Variants in PPP6R1 observed in about 807,000 individuals in gnomAD.
The protein encoded by PPP6R1 is protein phosphatase 6 regulatory subunit 1.
Under a neutral mutation model 104.6 loss-of-function variants are expected in PPP6R1, and 39 were observed. That is an observed-to-expected ratio of 0.37 (90% CI 0.29 to 0.49). The LOEUF is 0.49. Ranked by LOEUF, PPP6R1 falls within the 20% of genes least tolerant of loss-of-function variation. The probability of loss-of-function intolerance (pLI) is 0.98; values close to 1 mark genes in which losing one functional copy is unlikely to be tolerated. For missense variants in PPP6R1, 1,181 were observed against 1,155.8 expected, an observed-to-expected ratio of 1.02 and a Z score of -0.32; for synonymous variants, 549 against 479.0, an observed-to-expected ratio of 1.15 and a Z score of -1.91.
chr19:55,251,893 C>A (rs377036399), intron 1 of PPP6R1, among the ~76,000 whole-genome samples: 1 of 152,174 alleles, frequency 6.6e-6, no homozygotes, highest in Non-Finnish European at 1.5e-5. Context: ...TGCCAATTTC[C>A]GGCCTAAGGC....
downstream of PPP6R1, chr19:55,228,445 G>A (rs10419308): frequency 0.18 from 291,324 of 1,609,602 alleles, 26,899 homozygotes; most frequent in Middle Eastern, 0.24. Context: ...GCGCTTTGGG[G>A]AGTGGGGAGC....
intron 1 of PPP6R1, among the ~76,000 whole-genome samples, chr19:55,257,579 C>T (rs749140444): frequency 6.6e-6 from 1 of 152,148 alleles, no homozygotes; most frequent in Non-Finnish European, 1.5e-5. Flanking sequence ...CTTCCCCCCC[C>T]GGAAGGCCCT....
rs1377796526 is a variant in PPP6R1, at chr19:55,231,460, G to A, written c.2409C>T (p.Asp803=). 2 of 1,608,490 alleles carry A rather than the reference G, an allele frequency of 1.2e-6. No individual in the cohort carries two copies. The highest frequency in any genetic ancestry group is 1.3e-5 in the African/African-American group (1 of 74,804). Residue 803 remains aspartate, a synonymous_variant, in exon 21 of 24, where the codon GAC becomes GAT. Transcript: ENST00000412770. The stretch of plus-strand genomic sequence containing the variant: ...GGATCCCGTGGAAGGTGGCCTGAAG[G>A]TCCCCGATGCTAACCAAGGCCTGGC... ...APCQALVSIG[D]LQATFHGIRS...
At chr19:55,257,411 T>C (rs2087601286) in intron 1 of PPP6R1, among the ~76,000 whole-genome samples, 1 of 152,212 alleles carries the variant, frequency 6.6e-6, no homozygotes, top group African/African-American at 2.4e-5. Flanking sequence ...TGGTCATGTC[T>C]GTGTGTACTA....
chr19:55,231,162 C>A (rs1600102308), intron 21 of PPP6R1, among the ~76,000 whole-genome samples: 1 of 152,144 alleles, frequency 6.6e-6, no homozygotes, highest in South Asian at 2.1e-4. Context: ...CTCTCACCCT[C>A]CCAATCCTTC....
intron 5 of PPP6R1, among the ~76,000 whole-genome samples, chr19:55,243,389 A>G (rs1185966227): frequency 7.1e-6 from 1 of 141,018 alleles, no homozygotes; most frequent in African/African-American, 2.8e-5. Context: ...CTCTAGACAG[A>G]GCGAGACTCC....
chr19:55,240,370 C>A, intron 10 of PPP6R1, 70 bp from the exon 11 acceptor site: 1 of 1,452,252 alleles, frequency 6.9e-7, no homozygotes, highest in East Asian at 2.5e-5. Flanking sequence ...TGCACTGCAG[C>A]AGGGGTCCCT....
At chr19:55,228,840 T>C (rs1267551630), downstream of PPP6R1, 3 of 1,230,250 alleles carry the variant, frequency 2.4e-6, no homozygotes, top group South Asian at 1.3e-5. Context: ...AGGAGCGTCC[T>C]GTGGACTCTG....
At chr19:55,246,012 C>A (rs2087505082) in intron 2 of PPP6R1, among the ~76,000 whole-genome samples, 1 of 152,150 alleles carries the variant, frequency 6.6e-6, no homozygotes, top group South Asian at 2.1e-4. Flanking sequence ...CCGTATGCTG[C>A]CCCAGCTCCG....
chr19:55,228,878 T>A, downstream of PPP6R1: 1 of 884,206 alleles, frequency 1.1e-6, no homozygotes, highest in East Asian at 2.7e-5. Context: ...CAGGGAGATG[T>A]TGTCCTCACC....
At chr19:55,228,275 C>A (rs755916983), downstream of PPP6R1, 1 of 1,613,146 alleles carries the variant, frequency 6.2e-7, no homozygotes, top group Admixed American at 1.7e-5. Context: ...TGGGTGTAGC[C>A]CCCGCTTGGG....
At chr19:55,249,949 C>T (rs920567193) in intron 1 of PPP6R1, among the ~76,000 whole-genome samples, 1 of 152,238 alleles carries the variant, frequency 6.6e-6, no homozygotes, top group Admixed American at 6.5e-5. Flanking sequence ...GCCCAGCCAG[C>T]TCACTGACTG....
intron 1 of PPP6R1, among the ~76,000 whole-genome samples, chr19:55,252,929 G>C (rs560649524): frequency 3.9e-5 from 6 of 152,314 alleles, no homozygotes; most frequent in Middle Eastern, 3.4e-3. Context: ...GGCCATGGCA[G>C]GGACAGAGCC....
Position 55,245,107 on chromosome 19 carries a change from C to A in PPP6R1, c.618+13G>T, listed in dbSNP as rs746463462. 1.4e-5 allele frequency: 23 copies of A among 1,612,566 alleles called. No individual in the cohort carries two copies. The highest frequency in any genetic ancestry group is 1.9e-5 in the Non-Finnish European group (22 of 1,179,454). On this transcript the variant is annotated intron_variant, in intron 5 of 23. Coordinates refer to ENST00000412770, the MANE Select transcript of PPP6R1 (RefSeq NM_014931.4). This position sits in a 1 kb window ranked among gnomAD's most constrained non-coding sequence, Gnocchi z 6.4. The stretch of plus-strand genomic sequence containing the variant: ...CTCTAAGGGGAATCCGCAGGGGCAT[C>A]GGCAGCACTCACATTCTCATCCTTC...
At chr19:55,228,984 T>C, downstream of PPP6R1, 1 of 501,932 alleles carries the variant, frequency 2.0e-6, no homozygotes, top group South Asian at 2.5e-5. Context: ...CCTCCTCCTA[T>C]CTGCCTGGGG....
chr19:55,247,105 G>A lies in PPP6R1; in HGVS notation c.-2C>T. The A allele has an allele frequency of 6.2e-7, 1 of 1,612,094 alleles. No individual in the cohort carries two copies. The highest frequency in any genetic ancestry group is 8.5e-7 in the Non-Finnish European group (1 of 1,179,424). On this transcript the variant is annotated 5_prime_UTR_variant, in exon 2 of 24. Transcript: ENST00000412770. ...GTGCAGGTCAAACTTCCAAAACATG[G>A]CGCCCTGCAGGCATAGACACAACCA...
chr19:55,230,518 C>T lies in PPP6R1; in HGVS notation c.*10G>A, dbSNP rs369616295. 1.2e-6 allele frequency: 2 copies of T among 1,613,356 alleles called. No individual in the cohort carries two copies. Among genetic ancestry groups the T allele is most frequent in the Non-Finnish European group, 1.7e-6 (2 of 1,179,818 alleles). On this transcript the variant is annotated 3_prime_UTR_variant, in exon 24 of 24. Transcript: ENST00000412770. Reference sequence around the variant, plus strand: ...ACGGAAGATTTGGCCGCCGCTGCCGCACCAGGCAGCTATCTGGAAACAGAG... The same window carrying T: ...ACGGAAGATTTGGCCGCCGCTGCCGTACCAGGCAGCTATCTGGAAACAGAG...
Position 55,242,297 on chromosome 19 carries a change from G to A in PPP6R1, c.732-18C>T, listed in dbSNP as rs1225075642. ...TCTCCTGCCTGCGGGGGCAGGGGCA[G>A]GGGTCAGGGTGAGGGGCCAGGGGCC... On this transcript the variant is annotated intron_variant, in intron 6 of 23. Transcript: ENST00000412770. 1.9e-6 allele frequency: 3 copies of A among 1,613,730 alleles called. No individual in the cohort carries two copies. Among genetic ancestry groups the A allele is most frequent in the Non-Finnish European group, 1.7e-6 (2 of 1,179,684 alleles).
Position 55,252,485 on chromosome 19 carries a change from G to A in PPP6R1, c.-6-5376C>T, listed in dbSNP as rs546332810. On this transcript the variant is annotated intron_variant, in intron 1 of 23. Coordinates refer to ENST00000412770, the MANE Select transcript of PPP6R1 (RefSeq NM_014931.4). Reference sequence around the variant, plus strand: ...GCGATCTCGGCTCACTGCAATCTCCGCCTCCCGGTTTTAAGCAATTCTCCC... The same window carrying A: ...GCGATCTCGGCTCACTGCAATCTCCACCTCCCGGTTTTAAGCAATTCTCCC... 3.1e-3 allele frequency among the ~76,000 whole-genome samples: 458 copies of A among 149,254 alleles called. 5 individuals carry two copies. Among genetic ancestry groups the A allele is most frequent in the African/African-American group, 0.011 (438 of 40,312 alleles).
Sources: allele counts gnomAD v4.1 joint callset (sites outside exome capture counted in the v4.1 genomes callset), GRCh38; gene constraint gnomAD v4.1.1; non-coding constraint Gnocchi (gnomAD v3.1); transcripts MANE v1.5; gene names NCBI Gene and HGNC (gene_info 2026-07-23, HGNC 2026-07-21).